The following ADAMTS16 variants were observed in gnomAD, a reference collection of about 807,000 sequenced individuals.
The protein encoded by ADAMTS16 is ADAM metallopeptidase with thrombospondin type 1 motif 16.
Under a neutral mutation model 145.8 loss-of-function variants are expected in ADAMTS16, and 94 were observed. That is an observed-to-expected ratio of 0.64 (90% CI 0.55 to 0.77). The LOEUF is 0.77. Ranked by LOEUF, ADAMTS16 falls within the 30% of genes least tolerant of loss-of-function variation. ADAMTS16 has a pLI of 0.00. For missense variants in ADAMTS16, 1,585 were observed against 1,591.5 expected (o/e 1.00, Z 0.07); for synonymous variants, 659 against 604.3 (o/e 1.09, Z -1.33).
intron 12 of ADAMTS16, among the ~76,000 whole-genome samples, chr5:5,234,286 G>C (rs1045181668): frequency 6.6e-6 from 1 of 152,222 alleles, no homozygotes; most frequent in Non-Finnish European, 1.5e-5. Context: ...CAGAAGACTG[G>C]TGGTGGAAAG....
intron 11 of ADAMTS16, among the ~76,000 whole-genome samples, chr5:5,229,368 A>G (rs1452445220): frequency 6.6e-6 from 1 of 151,298 alleles, no homozygotes; most frequent in African/African-American, 2.4e-5. Flanking sequence ...AGAGAACGTT[A>G]GGTTCCGTTC....
chr5:5,151,602 C>T (rs544752744), intron 3 of ADAMTS16, among the ~76,000 whole-genome samples: 16 of 100,764 alleles, frequency 1.6e-4, no homozygotes, highest in East Asian at 5.6e-4. Flanking sequence ...TTTATACACA[C>T]ACACACGCAC....
chr5:5,183,862 A>G (rs1735416194), intron 4 of ADAMTS16, among the ~76,000 whole-genome samples: 1 of 152,236 alleles, frequency 6.6e-6, no homozygotes, highest in Non-Finnish European at 1.5e-5. Flanking sequence ...TATTTCAAAA[A>G]GGATGCTAAA....
At chr5:5,195,828 A>C (rs2126584148) in intron 8 of ADAMTS16, among the ~76,000 whole-genome samples, 1 of 152,328 alleles carries the variant, frequency 6.6e-6, no homozygotes, top group Non-Finnish European at 1.5e-5. Context: ...GCCCTTCCAA[A>C]GTTTAAGAGA....
At chr5:5,318,747 T>C (rs1228980984) in intron 22 of ADAMTS16, among the ~76,000 whole-genome samples, 1 of 152,112 alleles carries the variant, frequency 6.6e-6, no homozygotes, top group Non-Finnish European at 1.5e-5. Flanking sequence ...AATTGGAGAA[T>C]TGAAATTCAG....
intron 10 of ADAMTS16, among the ~76,000 whole-genome samples, chr5:5,218,519 C>T (rs1156805887): frequency 2.0e-5 from 3 of 152,188 alleles, no homozygotes; most frequent in Non-Finnish European, 4.4e-5. Flanking sequence ...ACGGTGTGCT[C>T]CTTCAGCTTC....
Position 5,260,403 on chromosome 5 carries a change from C to A in ADAMTS16, c.2663-2254C>A, listed in dbSNP as rs544801414. 4.5e-3 allele frequency among the ~76,000 whole-genome samples: 684 copies of A among 152,262 alleles called. 4 individuals carry two copies. Among genetic ancestry groups the A allele is most frequent in the African/African-American group, 0.015 (641 of 41,538 alleles). On this transcript the variant is annotated intron_variant, in intron 17 of 22. Coordinates refer to ENST00000274181, the MANE Select transcript of ADAMTS16 (RefSeq NM_139056.4). ...ACATTTCTAGAGTATATATCAAAGT[C>A]ATTTTTAAATAACCTATTCCTGATC... is the stretch of plus-strand genomic sequence containing the variant.
intron 9 of ADAMTS16, among the ~76,000 whole-genome samples, chr5:5,203,785 A>C (rs1736017351): frequency 6.6e-6 from 1 of 152,166 alleles, no homozygotes; most frequent in Admixed American, 6.6e-5. Flanking sequence ...CCTGCAGATC[A>C]GTGAAAATGC....
rs996919014 is a variant in ADAMTS16, at chr5:5,146,369, T to G, written c.415T>G (p.Leu139Val). The G allele has an allele frequency of 6.2e-7, 1 of 1,614,170 alleles. No individual in the cohort carries two copies. The change falls in exon 3 of 23, where the codon TTA (leucine) becomes GTA (valine). Residue 139 changes from leucine to valine, a missense_variant. Coordinates refer to ENST00000274181, the MANE Select transcript of ADAMTS16 (RefSeq NM_139056.4). ...GKTGTKSVQTLPPEDFCFYQG... is the reference protein window; with the variant it reads ...GKTGTKSVQTVPPEDFCFYQG... The stretch of plus-strand genomic sequence containing the variant: ...GACAGGCACTAAGTCTGTGCAGACT[T>G]TACCGCCAGAGGACTTCTGTTTCTA...
At chr5:5,141,652 T>C (rs1417242599) in intron 2 of ADAMTS16, among the ~76,000 whole-genome samples, 1 of 152,222 alleles carries the variant, frequency 6.6e-6, no homozygotes, top group Admixed American at 6.5e-5. Context: ...ATTCTCTCAA[T>C]GTATTTCCAG....
chr5:5,232,600 C>T (rs891031653), intron 12 of ADAMTS16, 84 bp downstream of exon 12: 52 of 904,426 alleles, frequency 5.7e-5, no homozygotes, highest in African/African-American at 9.3e-5. Flanking sequence ...TGTCTCAGCT[C>T]TTTTTTTTTT....
chr5:5,174,350 C>A (rs1333890675), intron 3 of ADAMTS16, among the ~76,000 whole-genome samples: 1 of 151,522 alleles, frequency 6.6e-6, no homozygotes, highest in Non-Finnish European at 1.5e-5. Context: ...GTTGTTTTTT[C>A]TTTTCTCTTG....
At chr5:5,262,473 G>A (rs768734272) in intron 17 of ADAMTS16, among the ~76,000 whole-genome samples, 184 bp from the exon 18 acceptor site, 4 of 152,192 alleles carry the variant, frequency 2.6e-5, no homozygotes, top group Non-Finnish European at 2.9e-5. Flanking sequence ...TGAAATTCAC[G>A]AATTACAACT....
chr5:5,264,009 ATCT>A (rs1266925751), intron 18 of ADAMTS16, among the ~76,000 whole-genome samples: 2 of 152,150 alleles, frequency 1.3e-5, no homozygotes, highest in Non-Finnish European at 2.9e-5. Flanking sequence ...ATGGCAGGTC[ATCT>A]TCTCCCAAAG....
chr5:5,151,215 CTTATTTATTTAT>C lies in ADAMTS16; in HGVS notation c.501+4790_501+4801del, dbSNP rs3059259. Among the ~76,000 whole-genome samples the C allele has an allele frequency of 2.1e-3, 305 of 145,868 alleles. 1 individual carries two copies. Among genetic ancestry groups the C allele is most frequent in the East Asian group, 5.4e-3 (27 of 5,004 alleles). On this transcript the variant is annotated intron_variant, in intron 3 of 22. Coordinates refer to ENST00000274181, the MANE Select transcript of ADAMTS16 (RefSeq NM_139056.4). ...TCATGGCTTCCTTTATTTCTTTTCT[CTTATTTATTTAT>C]TTATTTATTTATTTATTTATTTATT...
chr5:5,177,486 A>C (rs926796454), intron 3 of ADAMTS16, among the ~76,000 whole-genome samples: 1 of 152,224 alleles, frequency 6.6e-6, no homozygotes, highest in Non-Finnish European at 1.5e-5. Flanking sequence ...AGAAACAGAC[A>C]CAAAATTTCT....
At chr5:5,232,262 C>A in intron 11 of ADAMTS16, 106 bp from the exon 12 acceptor site, 3 of 1,321,440 alleles carry the variant, frequency 2.3e-6, no homozygotes, top group Non-Finnish European at 3.2e-6. Context: ...CTAATGTCTG[C>A]ATAGTTTACA....
intron 3 of ADAMTS16, among the ~76,000 whole-genome samples, chr5:5,147,465 C>T (rs1054959840): frequency 2.6e-5 from 4 of 152,142 alleles, no homozygotes; most frequent in African/African-American, 9.7e-5. Flanking sequence ...GAATTCATAA[C>T]CAATTTCTTA....
Position 5,239,743 on chromosome 5 carries a change from G to C in ADAMTS16, c.2341G>C (p.Val781Leu). The change falls in exon 16 of 23, where the codon GTC (valine) becomes CTC (leucine). Residue 781 changes from valine (V) to leucine (L), a missense_variant. Around this residue, in one of 3 missense-constraint regions of ADAMTS16, gnomAD observed 834 missense variants for 811.7 expected, o/e 1.03. Coordinates refer to ENST00000274181, the MANE Select transcript of ADAMTS16 (RefSeq NM_139056.4). ...ARSIRIYEMN[V>L]STSYISVRNA... is the part of the protein sequence containing the mutation. ...GAGTATCCGCATCTATGAAATGAAC[G>C]TCTCTACCTCCTACATTTCTGTGCG... 1 of 1,614,048 alleles carries C rather than the reference G, an allele frequency of 6.2e-7. No homozygotes were observed. The highest frequency in any genetic ancestry group is 1.1e-5 in the South Asian group (1 of 91,060).
Sources: gnomAD v4.1 joint callset for allele counts (sites outside exome capture counted in the v4.1 genomes callset) on GRCh38, gnomAD v4.1.1 for gene constraint, gnomAD v4.1.1 regional missense constraint, MANE v1.5 for transcripts, NCBI Gene and HGNC (gene_info 2026-07-23, HGNC 2026-07-21) for gene names.